The following NLGN1 variants were observed in gnomAD, a reference collection of about 807,000 sequenced individuals.
NLGN1 encodes the protein neuroligin-1.
Under a neutral mutation model 65.5 loss-of-function variants are expected in NLGN1, and 12 were observed. That is an observed-to-expected ratio of 0.18 (90% CI 0.12 to 0.30). The LOEUF (loss-of-function observed/expected upper bound fraction) is 0.30. Ranked by LOEUF, NLGN1 falls within the 10% of genes least tolerant of loss-of-function variation. NLGN1 has a pLI of 1.00. For synonymous variants in NLGN1, 350 were observed against 359.5 expected (o/e 0.97, Z 0.30); for missense variants, 750 against 1,007.1 (o/e 0.74, Z 3.46).
chr3:174,086,802 GAA>G (rs1030253597), intron 4 of NLGN1, among the ~76,000 whole-genome samples: 6 of 151,792 alleles, frequency 4.0e-5, no homozygotes, highest in African/African-American at 1.5e-4. Flanking sequence ...TACTTTAAAT[GAA>G]AAGTTTACAG....
chr3:174,274,985 A>G (rs1750259898), intron 4 of NLGN1, among the ~76,000 whole-genome samples: 1 of 151,806 alleles, frequency 6.6e-6, no homozygotes, highest in Non-Finnish European at 1.5e-5. Context: ...ACCCTATGAT[A>G]CTATCCAAAT....
At chr3:173,851,781 A>G (rs968235482) in intron 4 of NLGN1, among the ~76,000 whole-genome samples, 1 of 152,176 alleles carries the variant, frequency 6.6e-6, no homozygotes, top group African/African-American at 2.4e-5. Flanking sequence ...CTTCTATTGC[A>G]TCTGCTTTCA....
chr3:174,165,163 C>G lies in NLGN1; in HGVS notation c.647-110152C>G, dbSNP rs76118975. 7.7e-3 allele frequency among the ~76,000 whole-genome samples: 1,170 copies of G among 151,720 alleles called. 11 individuals carry two copies. Among genetic ancestry groups the G allele is most frequent in the African/African-American group, 0.025 (1,047 of 41,486 alleles). ...TTATAGAAATGCTACTTATTTTTGACTTTTTCTTTTATTATTTGAATGCTT... is the reference window on the plus strand; with the variant it reads ...TTATAGAAATGCTACTTATTTTTGAGTTTTTCTTTTATTATTTGAATGCTT... On this transcript the variant is annotated intron_variant, in intron 4 of 6. Transcript: ENST00000457714.
chr3:173,907,636 G>A (rs1424593508), intron 4 of NLGN1, among the ~76,000 whole-genome samples: 1 of 139,908 alleles, frequency 7.1e-6, no homozygotes, highest in African/African-American at 2.7e-5. Context: ...CCAGTCTGTA[G>A]TGCAATGACA....
intron 3 of NLGN1, among the ~76,000 whole-genome samples, chr3:173,741,889 C>T (rs1158153423): frequency 6.6e-6 from 1 of 152,046 alleles, no homozygotes; most frequent in Non-Finnish European, 1.5e-5. Flanking sequence ...AACTTCTGTC[C>T]CTGAGGAAAC....
At chr3:173,658,839 T>C (rs2149681562) in intron 3 of NLGN1, among the ~76,000 whole-genome samples, 1 of 152,150 alleles carries the variant, frequency 6.6e-6, no homozygotes. Context: ...TATAATGTAC[T>C]TTATAATCTA....
chr3:173,807,561 G>T, intron 3 of NLGN1, 119 bp from the exon 4 acceptor site: 1 of 1,066,470 alleles, frequency 9.4e-7, no homozygotes, highest in South Asian at 1.7e-5. Flanking sequence ...AATAAAAACA[G>T]CAGTTTAAGA....
chr3:173,398,149 G>A (rs1423224481), upstream of NLGN1: 1 of 152,228 alleles, frequency 6.6e-6, no homozygotes, highest in Non-Finnish European at 1.5e-5. Context: ...GAGGAACAAT[G>A]CCGCCTCCAG....
chr3:173,688,978 C>T (rs1765068984), intron 3 of NLGN1, among the ~76,000 whole-genome samples: 1 of 152,100 alleles, frequency 6.6e-6, no homozygotes, highest in Non-Finnish European at 1.5e-5. Flanking sequence ...AGTCACCTTC[C>T]ATTTGGGTGT....
At chr3:173,714,416 T>C (rs543873692) in intron 3 of NLGN1, among the ~76,000 whole-genome samples, 1 of 152,234 alleles carries the variant, frequency 6.6e-6, no homozygotes, top group African/African-American at 2.4e-5. Context: ...TAACTATTAT[T>C]ATATTGGATT....
intron 3 of NLGN1, among the ~76,000 whole-genome samples, chr3:173,745,979 A>G (rs1775304169): frequency 1.3e-5 from 2 of 152,094 alleles, no homozygotes; most frequent in African/African-American, 4.8e-5. Context: ...GACTTACTCA[A>G]AACTACCTTA....
At chr3:174,127,512 C>T (rs1719199565) in intron 4 of NLGN1, among the ~76,000 whole-genome samples, 1 of 152,032 alleles carries the variant, frequency 6.6e-6, no homozygotes, top group Non-Finnish European at 1.5e-5. Context: ...AATACTCCCT[C>T]CTTCTTCCCA....
chr3:173,734,981 A>G (rs1773513183), intron 3 of NLGN1, among the ~76,000 whole-genome samples: 1 of 152,052 alleles, frequency 6.6e-6, no homozygotes, highest in Non-Finnish European at 1.5e-5. Context: ...CTTCTCTGCA[A>G]AGGTTTTTCT....
chr3:174,265,607 A>C (rs1167418385), intron 4 of NLGN1, among the ~76,000 whole-genome samples: 1 of 151,726 alleles, frequency 6.6e-6, no homozygotes, highest in African/African-American at 2.4e-5. Flanking sequence ...TGAACCCGGT[A>C]CCTCAGATGG....
At chr3:173,456,462 G>A (rs770113788) in intron 2 of NLGN1, among the ~76,000 whole-genome samples, 3 of 152,124 alleles carry the variant, frequency 2.0e-5, no homozygotes, top group Non-Finnish European at 4.4e-5. Context: ...CATTAGTAAA[G>A]TTAGCCTTGT....
At chr3:173,405,675 T>C (rs73883123) in intron 1 of NLGN1, among the ~76,000 whole-genome samples, 6,084 of 152,096 alleles carry the variant, frequency 0.04, 354 homozygotes, top group African/African-American at 0.13. Flanking sequence ...TTATGTAATA[T>C]ATAAAATATA....
At chr3:173,538,385 G>A (rs1324623996) in intron 2 of NLGN1, among the ~76,000 whole-genome samples, 1 of 152,204 alleles carries the variant, frequency 6.6e-6, no homozygotes, top group African/African-American at 2.4e-5. Flanking sequence ...TTCTTTTGCT[G>A]TGAAGTGAGT....
chr3:173,837,431 T>G (rs1723859653), intron 4 of NLGN1, among the ~76,000 whole-genome samples: 1 of 152,174 alleles, frequency 6.6e-6, no homozygotes, highest in South Asian at 2.1e-4. Flanking sequence ...GACAAGGCTT[T>G]GTTCTTTATG....
chr3:173,594,212 C>T (rs1175352977), intron 2 of NLGN1, among the ~76,000 whole-genome samples: 2 of 152,178 alleles, frequency 1.3e-5, no homozygotes, highest in African/African-American at 4.8e-5. Context: ...AAAGGCAAGC[C>T]CCTTCCAGCT....
Sources: gnomAD v4.1 joint callset for allele counts (sites outside exome capture counted in the v4.1 genomes callset) on GRCh38, gnomAD v4.1.1 for gene constraint, MANE v1.5 for transcripts, NCBI Gene and HGNC (gene_info 2026-07-23, HGNC 2026-07-21) for gene names.